The following ELAVL4 variants were observed in gnomAD, a reference collection of about 807,000 sequenced individuals.
The protein encoded by ELAVL4 is ELAV like RNA binding protein 4, also known as ELAV-like protein 4.
Under a neutral mutation model 35.6 loss-of-function variants are expected in ELAVL4, and 1 was observed. The observed-to-expected ratio is 0.03, with a 90% CI of 0.01 to 0.13. The LOEUF (loss-of-function observed/expected upper bound fraction) is 0.13, where lower values mean the gene tolerates loss of function less well. ELAVL4 is among the 10% of genes least tolerant of loss of function. ELAVL4 has a pLI of 1.00. For synonymous variants in ELAVL4, 156 were observed against 171.0 expected, an observed-to-expected ratio of 0.91 and a Z score of 0.69; for missense variants, 267 against 464.9, an observed-to-expected ratio of 0.57 and a Z score of 3.91.
rs553540405 is a variant in ELAVL4 at position 50,165,051 on chromosome 1, C to T, written c.251-12038C>T. Among the ~76,000 whole-genome samples, 43 of 152,282 alleles carry T rather than the reference C, an allele frequency of 2.8e-4. 1 individual carries two copies. In the South Asian group the frequency reaches 7.5e-3, roughly 26 times the overall value. On this transcript the variant is annotated intron_variant, in intron 2 of 6. Transcript: ENST00000371824. ...GTGTCAGTGAGAATGTTCGCCTGATCTGCAAGACTGAGGGGAGGGGGCCAC... is the reference window on the plus strand; with the variant it reads ...GTGTCAGTGAGAATGTTCGCCTGATTTGCAAGACTGAGGGGAGGGGGCCAC...
intron 2 of ELAVL4, among the ~76,000 whole-genome samples, chr1:50,166,509 C>A (rs1677945695): frequency 6.6e-6 from 1 of 152,132 alleles, no homozygotes; most frequent in South Asian, 2.1e-4. Context: ...GGAGGAAATA[C>A]CCATGACAAT....
intron 1 of ELAVL4, among the ~76,000 whole-genome samples, chr1:50,087,592 A>AC (rs1436226041): frequency 9.9e-5 from 15 of 152,210 alleles, no homozygotes; most frequent in African/African-American, 3.6e-4. Flanking sequence ...TTTGCTGTGG[A>AC]CTAAATTGTG....
In ELAVL4 at chr1:50,086,855, T is replaced by G. The variant is rs189141213; in HGVS notation, c.18+38673T>G. Among the ~76,000 whole-genome samples, 56 of 152,200 alleles carry G rather than the reference T, an allele frequency of 3.7e-4. 1 individual carries two copies. The South Asian group carries it at 8.7e-3, about 24-fold the overall frequency. ...TGTATTATATTCTGGAAGGAATAGG[T>G]ACTGCTGTAGTGTGAGTGCATTCTC... is the stretch of plus-strand genomic sequence containing the variant. On this transcript the variant is annotated intron_variant, in intron 1 of 6. Transcript: ENST00000448907.
chr1:50,106,079 T>C (rs1181793465), upstream of ELAVL4: 3 of 423,076 alleles, frequency 7.1e-6, no homozygotes, highest in Non-Finnish European at 1.3e-5. Context: ...CACGCTTCCA[T>C]TTCTGTTCCT....
intron 1 of ELAVL4, among the ~76,000 whole-genome samples, chr1:50,116,834 C>T (rs1435707629): frequency 6.6e-6 from 1 of 152,020 alleles, no homozygotes; most frequent in Admixed American, 6.6e-5. Context: ...TGTAATGCAG[C>T]CAACCACACA....
chr1:50,141,242 A>G (rs1672765054), intron 1 of ELAVL4, among the ~76,000 whole-genome samples: 1 of 152,148 alleles, frequency 6.6e-6, no homozygotes, highest in South Asian at 2.1e-4. Flanking sequence ...CTAGCACCAA[A>G]TAAGCTGCCT....
intron 1 of ELAVL4, among the ~76,000 whole-genome samples, chr1:50,119,036 A>AAG (rs1553170302): frequency 2.3e-4 from 29 of 127,174 alleles, no homozygotes; most frequent in Admixed American, 5.9e-4. Flanking sequence ...GAAAGAAAGA[A>AAG]AAAGAAAGAA....
At chr1:50,121,800 C>T (rs1213475542) in intron 1 of ELAVL4, among the ~76,000 whole-genome samples, 1 of 151,980 alleles carries the variant, frequency 6.6e-6, no homozygotes, top group Non-Finnish European at 1.5e-5. Flanking sequence ...CTGATGTCTG[C>T]ATGATATATG....
chr1:50,068,887 G>T (rs887415605), intron 1 of ELAVL4, among the ~76,000 whole-genome samples: 1 of 152,148 alleles, frequency 6.6e-6, no homozygotes, highest in Non-Finnish European at 1.5e-5. Flanking sequence ...CTCTTTCTAG[G>T]ATCACAGAGT....
At chr1:50,096,544 A>C (rs910869012) in intron 1 of ELAVL4, among the ~76,000 whole-genome samples, 8 of 151,882 alleles carry the variant, frequency 5.3e-5, no homozygotes, top group Non-Finnish European at 2.9e-5. Context: ...TGAATGCCGT[A>C]CTGAATAATT....
At chr1:50,141,607 C>T (rs1672832690) in intron 1 of ELAVL4, among the ~76,000 whole-genome samples, 1 of 152,188 alleles carries the variant, frequency 6.6e-6, no homozygotes, top group South Asian at 2.1e-4. Context: ...TTTAGCATGC[C>T]TCCTTCCCTG....
chr1:50,053,332 G>A (rs1188701258), intron 1 of ELAVL4, among the ~76,000 whole-genome samples: 1 of 152,102 alleles, frequency 6.6e-6, no homozygotes, highest in African/African-American at 2.4e-5. Context: ...GATGACTGAT[G>A]GATGATTGGT....
intron 1 of ELAVL4, among the ~76,000 whole-genome samples, chr1:50,113,724 A>T (rs1450130252): frequency 6.6e-6 from 1 of 152,086 alleles, no homozygotes; most frequent in Non-Finnish European, 1.5e-5. Flanking sequence ...GATTTGGTCA[A>T]TTCTCCTTTT....
chr1:50,145,195 C>T lies in ELAVL4; in HGVS notation c.248C>T (p.Thr83Ile). Residue 83 changes from threonine to isoleucine, a missense_variant and splice_region_variant, in exon 2 of 7, where the codon ACA (threonine) becomes ATA (isoleucine). By Grantham distance (89) the Thr-to-Ile change is moderately conservative. Transcript: ENST00000371824. Reference sequence around the variant, plus strand: ...TGCAAACTTGTGAGAGACAAAATTACAGGTATGCACAGGATTTGAAGCTAT... The same window carrying T: ...TGCAAACTTGTGAGAGACAAAATTATAGGTATGCACAGGATTTGAAGCTAT... ...ESCKLVRDKI[T>I]GQSLGYGFVN... 6.2e-7 allele frequency: 1 copy of T among 1,613,846 alleles called. No homozygotes were observed. Among genetic ancestry groups the T allele is most frequent in the South Asian group, 1.1e-5 (1 of 91,068 alleles).
upstream of ELAVL4, among the ~76,000 whole-genome samples, chr1:50,106,636 T>C (rs1666336192): frequency 6.6e-6 from 1 of 152,184 alleles, no homozygotes; most frequent in South Asian, 2.1e-4. Context: ...AGATGAATTG[T>C]ACTATTGGAA....
At chr1:50,199,652 G>A (rs894887516) in intron 6 of ELAVL4, among the ~76,000 whole-genome samples, 2 of 151,302 alleles carry the variant, frequency 1.3e-5, no homozygotes, top group African/African-American at 4.9e-5. Context: ...AGGTTACAAT[G>A]AGCCAAGATA....
intron 2 of ELAVL4, among the ~76,000 whole-genome samples, chr1:50,163,900 A>G (rs1184049176): frequency 6.6e-6 from 1 of 152,182 alleles, no homozygotes; most frequent in Non-Finnish European, 1.5e-5. Flanking sequence ...TCAGGTATTT[A>G]GCATACAAAT....
At chr1:50,162,091 A>G (rs949067215) in intron 2 of ELAVL4, among the ~76,000 whole-genome samples, 2 of 152,200 alleles carry the variant, frequency 1.3e-5, no homozygotes, top group East Asian at 1.9e-4. Flanking sequence ...GGATGTTCAG[A>G]TCTTGGAATC....
chr1:50,060,452 G>A (rs1007064164), intron 1 of ELAVL4, among the ~76,000 whole-genome samples: 2 of 152,184 alleles, frequency 1.3e-5, no homozygotes, highest in African/African-American at 2.4e-5. Flanking sequence ...GGAATCATAA[G>A]TGATGTCATG....
Sources: gnomAD v4.1 joint callset for allele counts (sites outside exome capture counted in the v4.1 genomes callset) on GRCh38, gnomAD v4.1.1 for gene constraint, MANE v1.5 for transcripts, NCBI Gene and HGNC (gene_info 2026-07-23, HGNC 2026-07-21) for gene names.